BECN1: variants seen among roughly 807,000 people sequenced by gnomAD.
The protein encoded by BECN1 is beclin-1.
BECN1 carries 15 observed loss-of-function variants against 60.1 expected under a neutral mutation model. That is an observed-to-expected ratio of 0.25 (90% CI 0.17 to 0.38). BECN1 has a LOEUF of 0.38. Ranked by LOEUF, BECN1 falls within the 10% of genes least tolerant of loss-of-function variation. The probability of loss-of-function intolerance (pLI) is 1.00; values close to 1 mark genes in which losing one functional copy is unlikely to be tolerated. For missense variants in BECN1, 424 were observed against 548.2 expected, an observed-to-expected ratio of 0.77 and a Z score of 2.26; for synonymous variants, 179 against 201.8, an observed-to-expected ratio of 0.89 and a Z score of 0.96.
At chr17:42,814,327 C>T (rs939545222) in intron 9 of BECN1, 197 bp downstream of exon 9, 9 of 681,104 alleles carry the variant, frequency 1.3e-5, no homozygotes, top group African/African-American at 7.2e-5. Context: ...GCTATAGTCA[C>T]GCAACTCAGT....
intron 1 of BECN1, 93 bp from the exon 2 acceptor site, chr17:42,823,972 G>C: frequency 6.7e-7 from 1 of 1,482,690 alleles, no homozygotes; most frequent in African/African-American, 1.4e-5. Context: ...GATGGTAAAG[G>C]GAGGGAAGTC....
At chr17:42,814,430 C>T in intron 9 of BECN1, 94 bp downstream of exon 9, 1 of 1,534,622 alleles carries the variant, frequency 6.5e-7, no homozygotes, top group Non-Finnish European at 8.8e-7. Flanking sequence ...CTGTGGGCAG[C>T]AAGGGCTCCT....
At chr17:42,816,649 C>CAAAA (rs1312388751) in intron 7 of BECN1, among the ~76,000 whole-genome samples, 1 of 77,260 alleles carries the variant, frequency 1.3e-5, no homozygotes, top group Non-Finnish European at 2.6e-5. Flanking sequence ...GACTCTGTCT[C>CAAAA]AAAAAAAAAA....
Position 42,818,334 on chromosome 17 carries a change from CT to C in BECN1, c.569del (p.Glu190GlyfsTer5), listed in dbSNP as rs1457681996. The C allele has an allele frequency of 6.2e-7, 1 of 1,614,252 alleles. No individual in the cohort carries two copies. Among genetic ancestry groups the C allele is most frequent in the Admixed American group, 1.7e-5 (1 of 60,022 alleles). On this transcript the variant is annotated frameshift_variant, in exon 7 of 12. Coordinates refer to ENST00000590099, the MANE Select transcript of BECN1 (RefSeq NM_001313998.2). LOFTEE classifies it high-confidence loss of function. Reference sequence around the variant, plus strand: ...CCAGCTCCTGGATCAGCCTCTCCTCCTCTAGTGCCAGCTCCTTTAGCTCCAT... The same window carrying C: ...CCAGCTCCTGGATCAGCCTCTCCTCCCTAGTGCCAGCTCCTTTAGCTCCAT... ...LQMELKELAL[E>X]EERLIQELED...
intron 1 of BECN1, 120 bp from the exon 2 acceptor site, chr17:42,823,999 C>T (rs531588237): frequency 3.1e-6 from 4 of 1,305,912 alleles, no homozygotes; most frequent in Admixed American, 4.8e-5. Flanking sequence ...TGCGCCGTTC[C>T]CTCTAGGAAT....
intron 5 of BECN1, 32 bp from the exon 6 acceptor site, chr17:42,818,712 C>G: frequency 2.5e-6 from 4 of 1,613,990 alleles, no homozygotes; most frequent in East Asian, 2.2e-5. Context: ...GGTAGGGCCT[C>G]CCCCATGCTT....
chr17:42,811,743 C>T lies in BECN1; in HGVS notation c.1096G>A (p.Asp366Asn), dbSNP rs1360973249. 1.2e-6 allele frequency: 2 copies of T among 1,614,060 alleles called. No homozygotes were observed. Among genetic ancestry groups the T allele is most frequent in the East Asian group, 2.2e-5 (1 of 44,896 alleles). The change falls in exon 11 of 12, where the codon GAC becomes AAC. Residue 366 changes from aspartate to asparagine, a missense_variant. Physicochemically the swap from Asp to Asn is conservative, Grantham distance 23. Around this residue, in one of 3 missense-constraint regions of BECN1, gnomAD observed 326 missense variants for 406.2 expected, o/e 0.80. Transcript: ENST00000590099. ...GLRFFWDNKF[D>N]HAMVAFLDCV... Reference sequence around the variant, plus strand: ...TCCAGGAAAGCCACCATTGCATGGTCAAACTTGTTGTCCCAGAAAAACCGC... The same window carrying T: ...TCCAGGAAAGCCACCATTGCATGGTTAAACTTGTTGTCCCAGAAAAACCGC...
At chr17:42,815,020 C>T (rs922329777) in intron 8 of BECN1, 1 of 259,114 alleles carries the variant, frequency 3.9e-6, no homozygotes, top group Admixed American at 5.0e-5. Context: ...GATGAGTATC[C>T]TTTCCAACGA....
At chr17:42,822,130 GAGGCAGAGGTTGC>G (rs1158290031) in intron 2 of BECN1, among the ~76,000 whole-genome samples, 1 of 152,142 alleles carries the variant, frequency 6.6e-6, no homozygotes, top group Non-Finnish European at 1.5e-5. Context: ...TTGAACCCGG[GAGGCAGAGGTTGC>G]AGTGAGCCGA....
At chr17:42,820,103 G>A (rs188118618) in intron 3 of BECN1, among the ~76,000 whole-genome samples, 5 of 152,224 alleles carry the variant, frequency 3.3e-5, no homozygotes, top group Non-Finnish European at 4.4e-5. Flanking sequence ...AGGCTTCTCT[G>A]GCTCCTGGAC....
chr17:42,811,956 A>G, intron 10 of BECN1, 159 bp from the exon 11 acceptor site: 1 of 848,642 alleles, frequency 1.2e-6, no homozygotes, highest in Non-Finnish European at 1.8e-6. Flanking sequence ...GAACAACTAC[A>G]ATAAGCTTGG....
chr17:42,820,644 A>G, intron 3 of BECN1, 130 bp downstream of exon 3: 2 of 859,410 alleles, frequency 2.3e-6, no homozygotes, highest in Non-Finnish European at 3.6e-6. Flanking sequence ...CAGAGATCCC[A>G]AAAGTCCGGG....
intron 2 of BECN1, among the ~76,000 whole-genome samples, chr17:42,821,592 C>T (rs1286027455): frequency 6.6e-6 from 1 of 152,066 alleles, no homozygotes; most frequent in African/African-American, 2.4e-5. Context: ...CCCAGAATAG[C>T]AAGGAGGGAA....
At chr17:42,819,258 T>A (rs757326365) in intron 4 of BECN1, 8 of 470,136 alleles carry the variant, frequency 1.7e-5, no homozygotes. Context: ...ATTTGCTAGT[T>A]TGAAACTTCT....
intron 8 of BECN1, 33 bp downstream of exon 8, chr17:42,815,875 G>C: frequency 1.2e-6 from 2 of 1,613,936 alleles, no homozygotes; most frequent in Non-Finnish European, 1.7e-6. Flanking sequence ...GTCTAGATAT[G>C]TGCAGTGCTC....
intron 4 of BECN1, chr17:42,819,126 CAT>C (rs2055208472): frequency 1.9e-6 from 1 of 538,072 alleles, no homozygotes; most frequent in African/African-American, 1.9e-5. Context: ...ATAAAAAATT[CAT>C]ATGTCTACAG....
intron 9 of BECN1, 167 bp from the exon 10 acceptor site, chr17:42,814,175 T>G (rs1367865276): frequency 2.1e-5 from 12 of 559,004 alleles, no homozygotes; most frequent in African/African-American, 3.8e-5. Flanking sequence ...AGATTTTGTT[T>G]AATGAACAAA....
intron 8 of BECN1, 72 bp downstream of exon 8, chr17:42,815,836 G>T: frequency 6.3e-7 from 1 of 1,593,258 alleles, no homozygotes; most frequent in Non-Finnish European, 8.6e-7. Context: ...TGGGAAGTGG[G>T]CACCCAGGCT....
intron 2 of BECN1, among the ~76,000 whole-genome samples, chr17:42,822,234 C>G (rs2055280948): frequency 6.6e-6 from 1 of 152,120 alleles, no homozygotes; most frequent in South Asian, 2.1e-4. Context: ...GCTAATTTCC[C>G]CTCAAGAAAG....
Sources: gnomAD v4.1 joint callset for allele counts (sites outside exome capture counted in the v4.1 genomes callset) on GRCh38, gnomAD v4.1.1 for gene constraint, gnomAD v4.1.1 regional missense constraint, MANE v1.5 for transcripts, NCBI Gene and HGNC (gene_info 2026-07-23, HGNC 2026-07-21) for gene names.